MTA3: variants seen among roughly 807,000 people sequenced by gnomAD.
MTA3 encodes the protein metastasis associated 1 family member 3.
MTA3 carries 34 observed loss-of-function variants against 83.5 expected under a neutral mutation model. The observed-to-expected ratio is 0.41, with a 90% confidence interval of 0.31 to 0.54. The LOEUF is 0.54. MTA3 is among the 20% of genes least tolerant of loss of function. MTA3 has a pLI of 0.33. For synonymous variants in MTA3, 303 were observed against 252.7 expected (o/e 1.20, Z -1.89); for missense variants, 761 against 726.4 (o/e 1.05, Z -0.55).
intron 2 of MTA3, among the ~76,000 whole-genome samples, chr2:42,547,000 G>A (rs1676785917): frequency 6.6e-6 from 1 of 152,174 alleles, no homozygotes. Context: ...AATCTGCCAG[G>A]CTTCACGAGG....
intron 2 of MTA3, among the ~76,000 whole-genome samples, chr2:42,507,199 T>C (rs973106945): frequency 6.6e-6 from 1 of 152,036 alleles, no homozygotes; most frequent in Non-Finnish European, 1.5e-5. Flanking sequence ...CTGGTGATGG[T>C]CTTGCTTTGT....
At chr2:42,598,160 C>T (rs1327034400) in intron 3 of MTA3, among the ~76,000 whole-genome samples, 7 of 152,038 alleles carry the variant, frequency 4.6e-5, no homozygotes, top group African/African-American at 1.7e-4. Flanking sequence ...GCAACCTCCA[C>T]CTTCTGGGTT....
intron 2 of MTA3, among the ~76,000 whole-genome samples, chr2:42,559,983 A>G (rs940055871): frequency 2.6e-5 from 4 of 151,586 alleles, no homozygotes; most frequent in Non-Finnish European, 4.4e-5. Context: ...AAATATGTCA[A>G]TCTCCTATCA....
chr2:42,525,750 G>A (rs771402639), intron 2 of MTA3, among the ~76,000 whole-genome samples: 17 of 151,262 alleles, frequency 1.1e-4, no homozygotes, highest in Admixed American at 8.6e-4. Flanking sequence ...CTCTGCCTCC[G>A]AGGCTCAAAT....
intron 16 of MTA3, among the ~76,000 whole-genome samples, chr2:42,732,103 G>A (rs1045401375): frequency 5.3e-5 from 8 of 152,170 alleles, no homozygotes; most frequent in Non-Finnish European, 1.2e-4. Flanking sequence ...GGAGGACGGT[G>A]GCCCTCTTCT....
chr2:42,727,201 A>G (rs1290968051), intron 16 of MTA3, among the ~76,000 whole-genome samples: 1 of 152,220 alleles, frequency 6.6e-6, no homozygotes, highest in Non-Finnish European at 1.5e-5. Flanking sequence ...CTGTCTCTTA[A>G]AAAGAAAGAA....
chr2:42,571,537 T>C (rs1390731494), intron 2 of MTA3, among the ~76,000 whole-genome samples: 3 of 152,226 alleles, frequency 2.0e-5, no homozygotes, highest in Non-Finnish European at 4.4e-5. Flanking sequence ...GCAGTTCACT[T>C]ATGTAACTCA....
chr2:42,704,375 G>A lies in MTA3; in HGVS notation c.1150+57G>A. 1.9e-6 allele frequency: 3 copies of A among 1,602,990 alleles called. No homozygotes were observed. In the South Asian group the frequency reaches 3.3e-5, roughly 18 times the overall value. On this transcript the variant is annotated intron_variant, in intron 12 of 16. Coordinates refer to ENST00000405094, the MANE Select transcript of MTA3 (RefSeq NM_001330442.2). ...CGGGAACTGTTCTGGCTCATGGGGT[G>A]TGAGCGTCTGGGAAGTGCCTGAGGT...
chr2:42,616,572 CTTTTT>C (rs70963338), intron 4 of MTA3, among the ~76,000 whole-genome samples: 13 of 56,218 alleles, frequency 2.3e-4, no homozygotes, highest in South Asian at 8.6e-4. Context: ...TCTTCTTCTT[CTTTTT>C]TTTTTTTTTT....
intron 2 of MTA3, among the ~76,000 whole-genome samples, chr2:42,552,879 G>A (rs1250620809): frequency 1.5e-4 from 22 of 151,254 alleles, no homozygotes; most frequent in Non-Finnish European, 3.1e-4. Context: ...GAACCCAGGA[G>A]GTGGAAGCTG....
chr2:42,592,426 A>G (rs1460361658), intron 3 of MTA3, among the ~76,000 whole-genome samples: 1 of 152,002 alleles, frequency 6.6e-6, no homozygotes, highest in Non-Finnish European at 1.5e-5. Context: ...TCTACAAAAT[A>G]TTTAAAAATT....
intron 5 of MTA3, 52 bp downstream of exon 5, chr2:42,640,288 A>C: frequency 1.6e-6 from 2 of 1,255,202 alleles, no homozygotes; most frequent in South Asian, 1.4e-5. Context: ...TTTCACATGA[A>C]GCTCTTTCCT....
intron 2 of MTA3, 108 bp from the exon 3 acceptor site, chr2:42,578,999 C>T: frequency 1.5e-6 from 1 of 648,494 alleles, no homozygotes; most frequent in South Asian, 2.5e-5. Context: ...TGGTTGGCAC[C>T]AGTGTTAATG....
At chr2:42,599,592 A>C (rs1388294695) in intron 3 of MTA3, among the ~76,000 whole-genome samples, 2 of 151,900 alleles carry the variant, frequency 1.3e-5, no homozygotes, top group Non-Finnish European at 2.9e-5. Flanking sequence ...TCCATCTCCA[A>C]AAAAAAAGAA....
At chr2:42,540,934 C>G (rs995426667) in intron 2 of MTA3, among the ~76,000 whole-genome samples, 4 of 151,870 alleles carry the variant, frequency 2.6e-5, no homozygotes, top group African/African-American at 9.7e-5. Context: ...GAATTTTGTA[C>G]TACACATGGT....
At chr2:42,565,332 G>A (rs943849668), upstream of MTA3, among the ~76,000 whole-genome samples, 13 of 151,406 alleles carry the variant, frequency 8.6e-5, no homozygotes, top group African/African-American at 2.9e-4. Flanking sequence ...GACCATAGGT[G>A]CGCACCAACT....
At chr2:42,536,745 G>C (rs1676257415) in intron 2 of MTA3, among the ~76,000 whole-genome samples, 1 of 150,796 alleles carries the variant, frequency 6.6e-6, no homozygotes, top group Non-Finnish European at 1.5e-5. Context: ...TGTAGTCCCA[G>C]CTACTCAGGA....
intron 3 of MTA3, among the ~76,000 whole-genome samples, chr2:42,595,383 T>C (rs1681675081): frequency 6.6e-6 from 1 of 152,144 alleles, no homozygotes; most frequent in Non-Finnish European, 1.5e-5. Flanking sequence ...GTGCTGGGAT[T>C]ACAGACGTGA....
In MTA3 at chr2:42,708,899, C is replaced by A; in HGVS notation, c.1328C>A (p.Ser443Tyr). ...GACCCTCGTGTTAGAAGTCACGTGTCCCGCCAGGCCATGCAGGGAATGCCA... is the reference window on the plus strand; with the variant it reads ...GACCCTCGTGTTAGAAGTCACGTGTACCGCCAGGCCATGCAGGGAATGCCA... ...TEDPRVRSHVSRQAMQGMPVR... is the reference protein window; with the variant it reads ...TEDPRVRSHVYRQAMQGMPVR... Residue 443 changes from serine (S) to tyrosine (Y), a missense_variant, in exon 14 of 17, where the codon TCC becomes TAC. Ser to Tyr is a moderately radical substitution (Grantham distance 144). Transcript: ENST00000405094. 6.2e-7 allele frequency: 1 copy of A among 1,613,950 alleles called. No individual in the cohort carries two copies. Among genetic ancestry groups the A allele is most frequent in the African/African-American group, 1.3e-5 (1 of 75,030 alleles).
Sources: gnomAD v4.1 joint callset for allele counts (sites outside exome capture counted in the v4.1 genomes callset) on GRCh38, gnomAD v4.1.1 for gene constraint, MANE v1.5 for transcripts, NCBI Gene and HGNC (gene_info 2026-07-23, HGNC 2026-07-21) for gene names.